Variants in ZNF600 observed in about 807,000 individuals in gnomAD.
ZNF600 encodes zinc finger protein 600, also known as zinc finger protein KR-ZNF1.
ZNF600 carries 4 observed loss-of-function variants against 7.3 expected under a neutral mutation model. The observed-to-expected ratio is 0.55, with a 90% CI of 0.27 to 1.25. ZNF600 has a LOEUF of 1.25. Among genes scored for constraint, ZNF600 ranks in the 50% most tolerant of loss-of-function variants. ZNF600 has a pLI of 0.12. For synonymous variants in ZNF600, 290 were observed against 308.9 expected (o/e 0.94, Z 0.64); for missense variants, 911 against 922.1 (o/e 0.99, Z 0.16).
exon 4 of ZNF600, chr19:52,766,284 A>T (rs1322536114): frequency 1.2e-6 from 2 of 1,613,996 alleles, no homozygotes; most frequent in Non-Finnish European, 1.7e-6. Context: ...TCCACTATGA[A>T]TTCTAGTATG....
At chr19:52,800,107 T>A in the ZNF600 span, 3 of 1,614,084 alleles carry the variant, frequency 1.9e-6, no homozygotes, top group South Asian at 3.3e-5. Context: ...ACCTTACATT[T>A]GTACGGTTTC....
the ZNF600 span, among the ~76,000 whole-genome samples, chr19:52,817,241 G>A: frequency 5.3e-5 from 8 of 152,124 alleles, no homozygotes; most frequent in African/African-American, 1.4e-4. Flanking sequence ...GCATGGTGGC[G>A]CATGCTTGTA....
intron 1 of ZNF600, among the ~76,000 whole-genome samples, chr19:52,783,516 C>T (rs1215593858): frequency 1.3e-5 from 2 of 152,008 alleles, no homozygotes; most frequent in Admixed American, 1.3e-4. Context: ...CGCCCGCCAC[C>T]ACGCCCGGCT....
the ZNF600 span, among the ~76,000 whole-genome samples, chr19:52,813,426 T>TGG: frequency 6.8e-6 from 1 of 147,096 alleles, no homozygotes; most frequent in African/African-American, 2.6e-5. Context: ...CTGCTCCCCG[T>TGG]GTTTCCCTGC....
chr19:52,782,923 C>G (rs2062734715), intron 1 of ZNF600, among the ~76,000 whole-genome samples: 1 of 144,662 alleles, frequency 6.9e-6, no homozygotes, highest in Admixed American at 7.1e-5. Context: ...ACCAACTAAA[C>G]TAATGAAGAG....
chr19:52,799,246 T>A, the ZNF600 span: 1 of 405,316 alleles, frequency 2.5e-6, no homozygotes. Flanking sequence ...TGACCAAAGG[T>A]GTTGCCACAC....
upstream of ZNF600, among the ~76,000 whole-genome samples, chr19:52,787,711 T>A (rs1180706560): frequency 6.7e-6 from 1 of 150,016 alleles, no homozygotes; most frequent in Non-Finnish European, 1.5e-5. Context: ...TACAAAAAAA[T>A]TAGCCAAGCG....
upstream of ZNF600, among the ~76,000 whole-genome samples, chr19:52,790,340 T>C (rs1418717745): frequency 6.6e-6 from 1 of 152,040 alleles, no homozygotes; most frequent in African/African-American, 2.4e-5. Context: ...CTACTAAAAA[T>C]ACAAAAATTT....
At chr19:52,770,738 A>G (rs1002204119) in intron 3 of ZNF600, among the ~76,000 whole-genome samples, 6 of 152,216 alleles carry the variant, frequency 3.9e-5, no homozygotes, top group Non-Finnish European at 7.3e-5. Flanking sequence ...CTTATTCTCC[A>G]ATAAGGATGT....
chr19:52,831,098 A>G, the ZNF600 span, among the ~76,000 whole-genome samples: 2 of 152,156 alleles, frequency 1.3e-5, no homozygotes, highest in Admixed American at 1.3e-4. Context: ...AGTTTCAAGC[A>G]TATACTCAAC....
chr19:52,778,534 C>A (rs1169544824), intron 2 of ZNF600, among the ~76,000 whole-genome samples: 5 of 152,184 alleles, frequency 3.3e-5, no homozygotes, highest in African/African-American at 1.2e-4. Context: ...CCTGAACAAT[C>A]CAGCCTGCCC....
chr19:52,764,519 T>G (rs1048598177), downstream of ZNF600: 2 of 110,882 alleles, frequency 1.8e-5, no homozygotes, highest in African/African-American at 3.3e-5. Flanking sequence ...TTTGATATCC[T>G]TTTTTTTTTT....
the ZNF600 span, chr19:52,809,944 C>A: frequency 2.4e-6 from 2 of 850,420 alleles, no homozygotes; most frequent in Admixed American, 2.0e-5. Flanking sequence ...GAGGTTGCCC[C>A]GGGGGGCGCA....
the ZNF600 span, among the ~76,000 whole-genome samples, chr19:52,817,125 C>T: frequency 6.6e-6 from 1 of 152,142 alleles, no homozygotes; most frequent in Admixed American, 6.5e-5. Flanking sequence ...GTAATCCCAG[C>T]ACTTTAGGAA....
the ZNF600 span, among the ~76,000 whole-genome samples, chr19:52,827,258 A>G: frequency 5.5e-4 from 84 of 152,022 alleles, no homozygotes; most frequent in African/African-American, 1.9e-3. Context: ...ACAAAAAAAA[A>G]AAAAGAAAAA....
rs773510280 is a variant in ZNF600 at position 52,766,219 on chromosome 19, G to A, written c.1744C>T (p.Leu582Phe). 3.7e-6 allele frequency: 6 copies of A among 1,613,670 alleles called. No individual in the cohort carries two copies. The South Asian group carries it at 6.6e-5, about 18-fold the overall frequency. The change falls in exon 4 of 4, where the codon CTT becomes TTT. Residue 582 changes from leucine (L) to phenylalanine (F), a missense_variant. By Grantham distance (22) the Leu-to-Phe change is conservative (BLOSUM62 0). Transcript: ENST00000648973. Reference sequence around the variant, plus strand: ...CTATGAACTCTGCGATGGCTTGCAAGGTATGACCTCAGACGGAAGGTCTTG... The same window carrying A: ...CTATGAACTCTGCGATGGCTTGCAAAGTATGACCTCAGACGGAAGGTCTTG...
At chr19:52,812,327 G>A in the ZNF600 span, among the ~76,000 whole-genome samples, 19 of 141,888 alleles carry the variant, frequency 1.3e-4, 1 homozygote, top group African/African-American at 3.3e-4. Flanking sequence ...ATAGAAAGGC[G>A]GGAAGGGTGG....
the ZNF600 span, among the ~76,000 whole-genome samples, chr19:52,823,643 T>G: frequency 6.6e-6 from 1 of 152,204 alleles, no homozygotes; most frequent in Non-Finnish European, 1.5e-5. Context: ...TTTGAATTAT[T>G]TAACTTCCTA....
chr19:52,795,528 G>C, the ZNF600 span, among the ~76,000 whole-genome samples: 2 of 152,030 alleles, frequency 1.3e-5, no homozygotes, highest in South Asian at 2.1e-4. Flanking sequence ...ATGTGACTTC[G>C]TAAGATTATA....
Sources: gnomAD v4.1 joint callset for allele counts (sites outside exome capture counted in the v4.1 genomes callset) on GRCh38, gnomAD v4.1.1 for gene constraint, MANE v1.5 for transcripts, NCBI Gene and HGNC (gene_info 2026-07-23, HGNC 2026-07-21) for gene names.